CNTNAP2: variants seen among roughly 807,000 people sequenced by gnomAD.
CNTNAP2 encodes contactin associated protein 2, also known as contactin-associated protein-like 2.
Under a neutral mutation model 155.2 loss-of-function variants are expected in CNTNAP2, and 98 were observed. The ratio of observed to expected loss-of-function variants is 0.63; its 90% CI spans 0.54 to 0.75. The LOEUF is 0.75. Ranked by LOEUF, CNTNAP2 falls within the 30% of genes least tolerant of loss-of-function variation. The pLI, the probability that CNTNAP2 is intolerant of heterozygous loss-of-function variation, is 0.00. For synonymous variants in CNTNAP2, 651 were observed against 631.2 expected (o/e 1.03, Z -0.47); for missense variants, 1,727 against 1,688.1 (o/e 1.02, Z -0.40).
intron 11 of CNTNAP2, among the ~76,000 whole-genome samples, chr7:147,502,361 A>G (rs1183781399): frequency 6.6e-6 from 1 of 152,242 alleles, no homozygotes. Context: ...CCTAGACAGC[A>G]TAATGCTAAG....
intron 9 of CNTNAP2, among the ~76,000 whole-genome samples, chr7:147,341,277 G>C (rs185203956): frequency 2.0e-5 from 3 of 151,770 alleles, no homozygotes; most frequent in African/African-American, 4.8e-5. Flanking sequence ...ATCACATACC[G>C]GGGCCTGTCG....
intron 10 of CNTNAP2, among the ~76,000 whole-genome samples, chr7:147,463,787 A>G (rs540048061): frequency 1.1e-3 from 163 of 152,324 alleles, no homozygotes; most frequent in African/African-American, 3.8e-3. Flanking sequence ...CCAGGAAATT[A>G]GGTAAAATAG....
At chr7:147,789,706 C>A (rs1797790878) in intron 13 of CNTNAP2, among the ~76,000 whole-genome samples, 1 of 152,182 alleles carries the variant, frequency 6.6e-6, no homozygotes, top group African/African-American at 2.4e-5. Flanking sequence ...GCTAGCAGGG[C>A]AAGAAAAAGC....
chr7:146,510,545 G>A (rs1797450377), intron 1 of CNTNAP2, among the ~76,000 whole-genome samples: 1 of 152,088 alleles, frequency 6.6e-6, no homozygotes, highest in South Asian at 2.1e-4. Context: ...TTTTGATAGG[G>A]ACTGCATTCC....
chr7:146,949,857 C>T (rs1797273682), intron 3 of CNTNAP2, among the ~76,000 whole-genome samples: 1 of 152,144 alleles, frequency 6.6e-6, no homozygotes, highest in African/African-American at 2.4e-5. Context: ...GATATGAGCA[C>T]AAAGCTCTGT....
At chr7:148,121,489 G>A (rs912541552) in intron 16 of CNTNAP2, among the ~76,000 whole-genome samples, 5 of 152,284 alleles carry the variant, frequency 3.3e-5, no homozygotes, top group South Asian at 4.1e-4. Flanking sequence ...CTCAGGAAAC[G>A]TTGATTCTGA....
chr7:146,233,147 G>A (rs1366869799), intron 1 of CNTNAP2, among the ~76,000 whole-genome samples: 2 of 151,438 alleles, frequency 1.3e-5, no homozygotes, highest in African/African-American at 4.8e-5. Flanking sequence ...AATGTATTCA[G>A]GTGAAAAAGA....
At chr7:146,133,517 G>T (rs985429284) in intron 1 of CNTNAP2, among the ~76,000 whole-genome samples, 7 of 152,204 alleles carry the variant, frequency 4.6e-5, no homozygotes, top group African/African-American at 1.2e-4. Context: ...GTAATGCCTA[G>T]GTTTTCTTCT....
intron 10 of CNTNAP2, among the ~76,000 whole-genome samples, chr7:147,456,094 G>C (rs1797914325): frequency 6.6e-6 from 1 of 152,064 alleles, no homozygotes; most frequent in African/African-American, 2.4e-5. Flanking sequence ...ATATAGTTTT[G>C]TTTATATCTT....
intron 13 of CNTNAP2, among the ~76,000 whole-genome samples, chr7:147,670,666 C>T (rs1795772033): frequency 6.6e-6 from 1 of 152,280 alleles, no homozygotes; most frequent in Middle Eastern, 3.4e-3. Context: ...GGAAGATTAC[C>T]TTCCCATTCC....
At chr7:146,972,191 G>T (rs550247968) in intron 3 of CNTNAP2, among the ~76,000 whole-genome samples, 1 of 152,112 alleles carries the variant, frequency 6.6e-6, no homozygotes, top group Non-Finnish European at 1.5e-5. Flanking sequence ...TTAAACACAA[G>T]TATCAAGTCA....
chr7:147,728,785 G>A (rs372994372), intron 13 of CNTNAP2, among the ~76,000 whole-genome samples: 2 of 151,874 alleles, frequency 1.3e-5, no homozygotes, highest in Admixed American at 6.6e-5. Flanking sequence ...ATTTCTTTTA[G>A]TTTTCTATTG....
At chr7:146,506,538 A>T (rs570368348) in intron 1 of CNTNAP2, among the ~76,000 whole-genome samples, 8 of 152,332 alleles carry the variant, frequency 5.3e-5, no homozygotes, top group South Asian at 2.1e-4. Flanking sequence ...ATCATTGCCC[A>T]GGGCAGTGAA....
chr7:147,920,076 TG>T, intron 14 of CNTNAP2, among the ~76,000 whole-genome samples: 1 of 150,744 alleles, frequency 6.6e-6, no homozygotes, highest in African/African-American at 2.4e-5. Flanking sequence ...AAGTATGCCT[TG>T]GCCGGGCGCG....
chr7:146,218,313 T>C (rs1332851418), intron 1 of CNTNAP2, among the ~76,000 whole-genome samples: 2 of 152,020 alleles, frequency 1.3e-5, no homozygotes, highest in African/African-American at 4.8e-5. Context: ...ATGGAGACCA[T>C]CCTGGCTAAC....
intron 9 of CNTNAP2, among the ~76,000 whole-genome samples, chr7:147,345,400 A>G (rs563416479): frequency 1.2e-4 from 18 of 152,320 alleles, no homozygotes; most frequent in South Asian, 2.1e-4. Flanking sequence ...CTTTAGTCAC[A>G]CATAGGTAAT....
At chr7:146,180,369 T>G (rs1384331166) in intron 1 of CNTNAP2, among the ~76,000 whole-genome samples, 4 of 150,316 alleles carry the variant, frequency 2.7e-5, no homozygotes, top group Non-Finnish European at 5.9e-5. Flanking sequence ...TTTTTCTTTC[T>G]TTTCCTTCCT....
intron 15 of CNTNAP2, among the ~76,000 whole-genome samples, chr7:148,092,703 A>T (rs1200335812): frequency 6.6e-6 from 1 of 152,202 alleles, no homozygotes; most frequent in African/African-American, 2.4e-5. Flanking sequence ...TCAAGAAGAC[A>T]TAATTTAGTA....
At chr7:146,891,690 A>G (rs1057244765) in intron 3 of CNTNAP2, among the ~76,000 whole-genome samples, 2 of 152,156 alleles carry the variant, frequency 1.3e-5, no homozygotes, top group Admixed American at 6.5e-5. Flanking sequence ...AACAACAGCA[A>G]AAATGGGCAA....
Sources: gnomAD v4.1 joint callset for allele counts (sites outside exome capture counted in the v4.1 genomes callset) on GRCh38, gnomAD v4.1.1 for gene constraint, MANE v1.5 for transcripts, NCBI Gene and HGNC (gene_info 2026-07-23, HGNC 2026-07-21) for gene names.